Variants in CYFIP2 observed in about 807,000 individuals in gnomAD.
The protein encoded by CYFIP2 is cytoplasmic FMR1 interacting protein 2, also known as cytoplasmic FMR1-interacting protein 2.
Under a neutral mutation model 158.7 loss-of-function variants are expected in CYFIP2, and 29 were observed. The ratio of observed to expected loss-of-function variants is 0.18; its 90% confidence interval spans 0.14 to 0.25. The LOEUF (loss-of-function observed/expected upper bound fraction) is 0.25. Among genes scored for constraint, CYFIP2 ranks in the 10% least tolerant of loss-of-function variants. The pLI, the probability that CYFIP2 is intolerant of heterozygous loss-of-function variation, is 1.00. For missense variants in CYFIP2, 852 were observed against 1,639.5 expected, an observed-to-expected ratio of 0.52 and a Z score of 8.29; for synonymous variants, 585 against 617.6, an observed-to-expected ratio of 0.95 and a Z score of 0.78.
At chr5:157,388,919 C>A (rs1302631505) in intron 28 of CYFIP2, among the ~76,000 whole-genome samples, 1 of 152,178 alleles carries the variant, frequency 6.6e-6, no homozygotes, top group Non-Finnish European at 1.5e-5. Context: ...CAATGGCTAT[C>A]CAGAATTCAT....
intron 13 of CYFIP2, among the ~76,000 whole-genome samples, chr5:157,317,642 C>G (rs1468225991): frequency 1.3e-5 from 2 of 152,084 alleles, no homozygotes; most frequent in Non-Finnish European, 2.9e-5. Context: ...TTATTATAAC[C>G]AAGTAACTGT....
At chr5:157,363,258 C>T in intron 26 of CYFIP2, 1 of 152,246 alleles carries the variant, frequency 6.6e-6, no homozygotes, top group Non-Finnish European at 1.5e-5. Context: ...TGGGATGCCT[C>T]ATTCTCAGAA....
In CYFIP2 at chr5:157,277,471, A is replaced by G. The variant is rs574397268; in HGVS notation, c.-23-7868A>G. The stretch of plus-strand genomic sequence containing the variant: ...AACTTCAGGTCGTCTCCTCTCTCCT[A>G]TGTTGTCAGGAGATTGAGGTGTGTT... On this transcript the variant is annotated intron_variant, in intron 1 of 30. Transcript: ENST00000620254. Among the ~76,000 whole-genome samples the G allele has an allele frequency of 9.8e-5, 15 of 152,304 alleles. No individual in the cohort carries two copies. The East Asian group carries it at 2.3e-3, about 24-fold the overall frequency.
chr5:157,342,041 T>C (rs114208084), intron 23 of CYFIP2: 140 of 152,766 alleles, frequency 9.2e-4, no homozygotes, highest in African/African-American at 3.3e-3. Flanking sequence ...TTGGTGCTAA[T>C]ATGTCTTTAT....
At chr5:157,376,689 T>C in intron 26 of CYFIP2, 1 of 237,582 alleles carries the variant, frequency 4.2e-6, no homozygotes, top group South Asian at 4.4e-5. Context: ...TTGGGTCTCA[T>C]ATAGTCAGAG....
chr5:157,353,382 A>G (rs111690703), intron 23 of CYFIP2, among the ~76,000 whole-genome samples: 4 of 152,294 alleles, frequency 2.6e-5, no homozygotes, highest in African/African-American at 9.6e-5. Context: ...CACCTTATTC[A>G]TAGCCCAGGA....
intron 28 of CYFIP2, among the ~76,000 whole-genome samples, chr5:157,385,205 T>A (rs1246465080): frequency 2.0e-5 from 3 of 152,244 alleles, no homozygotes; most frequent in Non-Finnish European, 2.9e-5. Context: ...TAGAGGACTG[T>A]GAATTCCTTC....
In CYFIP2 at chr5:157,394,100, G is replaced by A. The variant is rs1451491742; in HGVS notation, c.*1100G>A. On this transcript the variant is annotated 3_prime_UTR_variant, in exon 31 of 31. Coordinates refer to ENST00000620254, the MANE Select transcript of CYFIP2 (RefSeq NM_001037333.3). ...TGTCCTAGAAGCTGAAAGATTCTTG[G>A]AACATTTTAGCTTTTACTCTCAACT... 1 of 152,092 alleles carries A rather than the reference G, an allele frequency of 6.6e-6. No individual in the cohort carries two copies. The highest frequency in any genetic ancestry group is 1.5e-5 in the Non-Finnish European group (1 of 68,022). The allele number at this position is 152,092 out of a possible 1,614,324, so 9.4% of individuals were successfully genotyped here.
At chr5:157,270,468 G>T (rs1755999312) in intron 1 of CYFIP2, among the ~76,000 whole-genome samples, 1 of 152,238 alleles carries the variant, frequency 6.6e-6, no homozygotes, top group African/African-American at 2.4e-5. Context: ...AGATCAAAGA[G>T]AATTTGCAGG....
chr5:157,370,725 T>C (rs768154589), intron 26 of CYFIP2, among the ~76,000 whole-genome samples: 1 of 152,226 alleles, frequency 6.6e-6, no homozygotes, highest in Non-Finnish European at 1.5e-5. Context: ...TTGGAAGACA[T>C]TGGCATATAC....
intron 5 of CYFIP2, 51 bp from the exon 6 acceptor site, chr5:157,300,664 G>GC: frequency 7.2e-7 from 1 of 1,386,030 alleles, no homozygotes; most frequent in Non-Finnish European, 9.4e-7. Context: ...CCTGGACCCT[G>GC]CCCCCATAAG....
chr5:157,359,288 C>A, intron 24 of CYFIP2, 140 bp downstream of exon 24: 1 of 853,872 alleles, frequency 1.2e-6, no homozygotes, highest in South Asian at 1.7e-5. Flanking sequence ...TCAAGGAGTT[C>A]CCTTGCCCAT....
intron 11 of CYFIP2, among the ~76,000 whole-genome samples, chr5:157,312,564 G>T (rs569401340): frequency 1.8e-4 from 28 of 152,240 alleles, no homozygotes; most frequent in African/African-American, 6.7e-4. Flanking sequence ...AGCACTCGTG[G>T]GTGACTGCGC....
At chr5:157,310,527 C>A (rs1397784839) in intron 10 of CYFIP2, among the ~76,000 whole-genome samples, 1 of 152,236 alleles carries the variant, frequency 6.6e-6, no homozygotes, top group Admixed American at 6.5e-5. Context: ...CCTCTGCGAA[C>A]AAGTGTCCAA....
At chr5:157,328,307 G>A (rs1380180185) in intron 19 of CYFIP2, among the ~76,000 whole-genome samples, 1 of 152,248 alleles carries the variant, frequency 6.6e-6, no homozygotes, top group Non-Finnish European at 1.5e-5. Flanking sequence ...GAGGTTACAT[G>A]CTGTCTGTGA....
chr5:157,381,399 C>T (rs868711162), intron 26 of CYFIP2, among the ~76,000 whole-genome samples: 6 of 151,234 alleles, frequency 4.0e-5, no homozygotes, highest in African/African-American at 1.5e-4. Context: ...TGATGGCGAG[C>T]GCCTGTAGTC....
chr5:157,382,579 C>T lies in CYFIP2; in HGVS notation c.3040-11C>T, dbSNP rs748236385. 1 of 1,613,704 alleles carries T rather than the reference C, an allele frequency of 6.2e-7. No individual in the cohort carries two copies. Among genetic ancestry groups the T allele is most frequent in the African/African-American group, 1.3e-5 (1 of 74,912 alleles). ...AAATTGTTTTCTCTTTCTTTACCCC[C>T]ATCTCTGCAGTCTCAGGAGGAGGTC... On this transcript the variant is annotated splice_polypyrimidine_tract_variant and intron_variant, in intron 26 of 30. Coordinates refer to ENST00000620254, the MANE Select transcript of CYFIP2 (RefSeq NM_001037333.3).
intron 23 of CYFIP2, among the ~76,000 whole-genome samples, chr5:157,354,006 G>T (rs1231386604): frequency 2.6e-5 from 4 of 152,226 alleles, no homozygotes; most frequent in East Asian, 1.9e-4. Flanking sequence ...GGCTAAAATG[G>T]TGAATTTTAT....
chr5:157,360,138 C>A, intron 24 of CYFIP2, 144 bp from the exon 25 acceptor site: 1 of 581,336 alleles, frequency 1.7e-6, no homozygotes, highest in Non-Finnish European at 2.9e-6. Context: ...CTTATAAAGG[C>A]TTATTTTCCC....
Sources: allele counts gnomAD v4.1 joint callset (sites outside exome capture counted in the v4.1 genomes callset), GRCh38; gene constraint gnomAD v4.1.1; transcripts MANE v1.5; gene names NCBI Gene and HGNC (gene_info 2026-07-23, HGNC 2026-07-21).